BBS9: variants seen among roughly 807,000 people sequenced by gnomAD.
BBS9 encodes protein PTHB1.
BBS9 carries 89 observed loss-of-function variants against 117.7 expected under a neutral mutation model. The observed-to-expected ratio is 0.76, with a 90% CI of 0.64 to 0.90. BBS9 has a LOEUF of 0.90. BBS9 is among the 40% of genes least tolerant of loss of function. The pLI is 0.00. For missense variants in BBS9, 982 were observed against 1,042.2 expected, an observed-to-expected ratio of 0.94 and a Z score of 0.80; for synonymous variants, 379 against 370.9, an observed-to-expected ratio of 1.02 and a Z score of -0.25.
At chr7:33,253,515 G>A (rs982162781) in intron 5 of BBS9, among the ~76,000 whole-genome samples, 28 of 152,198 alleles carry the variant, frequency 1.8e-4, no homozygotes, top group African/African-American at 6.8e-4. Context: ...GGGAGGCTGA[G>A]GCAGGAGAAT....
chr7:33,594,733 A>G (rs1291308443), intron 21 of BBS9, among the ~76,000 whole-genome samples: 1 of 152,150 alleles, frequency 6.6e-6, no homozygotes, highest in Admixed American at 6.6e-5. Context: ...ACCATGCTGT[A>G]TTAAGAGCAC....
chr7:33,614,599 A>G (rs2129217164), intron 21 of BBS9, among the ~76,000 whole-genome samples: 2 of 152,190 alleles, frequency 1.3e-5, no homozygotes, highest in Admixed American at 1.3e-4. Flanking sequence ...TTTTTGCAGC[A>G]GAAACCCATG....
chr7:33,171,185 A>G (rs550116215), intron 4 of BBS9, among the ~76,000 whole-genome samples: 19 of 152,266 alleles, frequency 1.2e-4, no homozygotes, highest in African/African-American at 4.1e-4. Flanking sequence ...GAGGCATCAC[A>G]CTACCTGACT....
intron 5 of BBS9, among the ~76,000 whole-genome samples, chr7:33,197,938 T>A (rs575830363): frequency 1.3e-4 from 20 of 152,000 alleles, no homozygotes; most frequent in Non-Finnish European, 2.8e-4. Flanking sequence ...CCTTCAAAGA[T>A]ACTAAATTTG....
chr7:33,488,739 G>C (rs1298563183), intron 19 of BBS9, among the ~76,000 whole-genome samples: 1 of 152,138 alleles, frequency 6.6e-6, no homozygotes, highest in Non-Finnish European at 1.5e-5. Flanking sequence ...AATGACCATA[G>C]TGTGATATAG....
intron 17 of BBS9, among the ~76,000 whole-genome samples, chr7:33,379,122 T>C (rs1824463778): frequency 6.6e-6 from 1 of 152,236 alleles, no homozygotes; most frequent in African/African-American, 2.4e-5. Flanking sequence ...ACGTACTACG[T>C]TCCTCGTCTG....
chr7:33,393,052 G>A (rs985923960), intron 19 of BBS9, among the ~76,000 whole-genome samples: 3 of 152,146 alleles, frequency 2.0e-5, no homozygotes, highest in Non-Finnish European at 4.4e-5. Context: ...TGTGGCCTCA[G>A]CTACTCAGGA....
At chr7:33,565,272 C>T (rs1856675993) in intron 21 of BBS9, among the ~76,000 whole-genome samples, 1 of 152,120 alleles carries the variant, frequency 6.6e-6, no homozygotes, top group Non-Finnish European at 1.5e-5. Flanking sequence ...TTTAGACTTT[C>T]TGACCTTGAG....
chr7:33,152,952 T>C, intron 3 of BBS9, 101 bp downstream of exon 3: 1 of 1,354,752 alleles, frequency 7.4e-7, no homozygotes, highest in South Asian at 1.2e-5. Context: ...ATGAATTAAA[T>C]ATATTTTCTG....
chr7:33,570,621 A>G (rs202134519), intron 21 of BBS9, among the ~76,000 whole-genome samples: 17 of 152,332 alleles, frequency 1.1e-4, no homozygotes, highest in East Asian at 5.8e-4. Context: ...CATAGTCTCA[A>G]ATATATTTAT....
intron 9 of BBS9, among the ~76,000 whole-genome samples, chr7:33,285,425 C>T (rs184496059): frequency 4.6e-5 from 7 of 152,104 alleles, no homozygotes; most frequent in Admixed American, 6.5e-5. Flanking sequence ...TGTCATAGTT[C>T]GTATATTTTT....
chr7:33,591,921 G>T (rs952297547), intron 21 of BBS9, among the ~76,000 whole-genome samples: 1 of 151,906 alleles, frequency 6.6e-6, no homozygotes, highest in Admixed American at 6.6e-5. Context: ...AATTCCTATT[G>T]TAATCTCAGA....
chr7:33,144,361 ACT>A (rs1792006778), intron 1 of BBS9, among the ~76,000 whole-genome samples: 2 of 152,244 alleles, frequency 1.3e-5, no homozygotes, highest in South Asian at 4.1e-4. Context: ...TTATTGGCAG[ACT>A]CTGTATCATT....
At chr7:33,410,598 T>C (rs1830941276) in intron 19 of BBS9, among the ~76,000 whole-genome samples, 3 of 152,298 alleles carry the variant, frequency 2.0e-5, no homozygotes, top group Admixed American at 1.3e-4. Flanking sequence ...GAAACTTGTC[T>C]ACATCTATTC....
intron 5 of BBS9, among the ~76,000 whole-genome samples, chr7:33,210,885 C>T (rs923782653): frequency 4.6e-5 from 7 of 152,026 alleles, no homozygotes; most frequent in African/African-American, 1.2e-4. Context: ...GATCATTATA[C>T]CCTGTTGCTG....
chr7:33,486,050 G>C (rs545561235), intron 19 of BBS9, among the ~76,000 whole-genome samples: 8 of 152,274 alleles, frequency 5.3e-5, no homozygotes, highest in Admixed American at 2.0e-4. Context: ...TGTGGGAGTA[G>C]GGGGAAAGTA....
At chr7:33,175,032 G>A (rs149742939) in intron 4 of BBS9, among the ~76,000 whole-genome samples, 303 of 152,250 alleles carry the variant, frequency 2.0e-3, no homozygotes, top group African/African-American at 6.2e-3. Flanking sequence ...GGCCAGGTGC[G>A]GTGACTCATG....
rs192798423 is a variant in BBS9, at chr7:33,165,197, C to T, written c.328+9495C>T. ...CTTGTAGAGTTTCTGCCGAGAGATC[C>T]GCTGTTAGTCTGATGGGCTTCCCTT... On this transcript the variant is annotated intron_variant, in intron 4 of 22. Coordinates refer to ENST00000242067, the MANE Select transcript of BBS9 (RefSeq NM_198428.3). Among the ~76,000 whole-genome samples, 309 of 152,250 alleles carry T rather than the reference C, an allele frequency of 2.0e-3. 3 individuals carry two copies. Among genetic ancestry groups the T allele is most frequent in the African/African-American group, 6.9e-3 (285 of 41,544 alleles).
chr7:33,292,679 G>T (rs1045783453), intron 9 of BBS9, among the ~76,000 whole-genome samples: 10 of 152,192 alleles, frequency 6.6e-5, no homozygotes, highest in African/African-American at 2.4e-4. Context: ...TATTTGCTAT[G>T]CTGATAAGTA....
Sources: allele counts gnomAD v4.1 joint callset (sites outside exome capture counted in the v4.1 genomes callset), GRCh38; gene constraint gnomAD v4.1.1; transcripts MANE v1.5; gene names NCBI Gene and HGNC (gene_info 2026-07-23, HGNC 2026-07-21).